TRIM2: variants seen among roughly 807,000 people sequenced by gnomAD.
TRIM2 encodes tripartite motif-containing protein 2.
Under a neutral mutation model 75.2 loss-of-function variants are expected in TRIM2, and 20 were observed. The ratio of observed to expected loss-of-function variants is 0.27; its 90% CI spans 0.19 to 0.39. The LOEUF is 0.39. TRIM2 is among the 10% of genes least tolerant of loss of function. The pLI is 1.00. For synonymous variants in TRIM2, 373 were observed against 388.3 expected, an observed-to-expected ratio of 0.96 and a Z score of 0.46; for missense variants, 660 against 990.8, an observed-to-expected ratio of 0.67 and a Z score of 4.48.
chr4:153,338,735 C>T lies in TRIM2; in HGVS notation c.*3769C>T. 2 of 985,668 alleles carry T rather than the reference C, an allele frequency of 2.0e-6. No individual in the cohort carries two copies. Among genetic ancestry groups the T allele is most frequent in the Non-Finnish European group, 2.4e-6 (2 of 829,856 alleles). 61.1% of individuals were successfully genotyped at this position (985,668 alleles called of 1,614,324 possible). ...TCTGTTTGTGGAGAATGTATGAAAG[C>T]TATTAATATTCTAGAATAGATTAAT... is the stretch of plus-strand genomic sequence containing the variant. On this transcript the variant is annotated 3_prime_UTR_variant, in exon 12 of 12. Coordinates refer to ENST00000338700, the MANE Select transcript of TRIM2 (RefSeq NM_015271.5).
intron 3 of TRIM2, among the ~76,000 whole-genome samples, chr4:153,278,324 G>A (rs867018742): frequency 1.3e-5 from 2 of 152,174 alleles, no homozygotes; most frequent in South Asian, 2.1e-4. Context: ...ATGTTGCCAA[G>A]ACTGGTCTCA....
intron 6 of TRIM2, among the ~76,000 whole-genome samples, chr4:153,314,067 C>T (rs772028397): frequency 2.0e-5 from 3 of 152,146 alleles, no homozygotes; most frequent in Admixed American, 2.0e-4. Context: ...ATATTTACAT[C>T]ATCCTATTGA....
At chr4:153,221,810 G>GGGAA (rs1171607508) in intron 1 of TRIM2, among the ~76,000 whole-genome samples, 1 of 103,732 alleles carries the variant, frequency 9.6e-6, no homozygotes, top group African/African-American at 3.8e-5. Flanking sequence ...GAGGAAGGAA[G>GGGAA]GGAGGGAGGG....
chr4:153,234,487 A>C (rs751548116), intron 1 of TRIM2, among the ~76,000 whole-genome samples: 2 of 152,218 alleles, frequency 1.3e-5, no homozygotes, highest in Non-Finnish European at 2.9e-5. Flanking sequence ...AAATATATGT[A>C]TCTATTACTG....
chr4:153,265,696 T>C (rs1754834802), intron 1 of TRIM2: 1 of 152,228 alleles, frequency 6.6e-6, no homozygotes, highest in African/African-American at 2.4e-5. Context: ...TGCATGCCAT[T>C]CTTGCTCAGG....
At chr4:153,203,103 CA>C (rs200371158), upstream of TRIM2, among the ~76,000 whole-genome samples, 2,000 of 87,056 alleles carry the variant, frequency 0.023, 17 homozygotes, top group South Asian at 0.056. Flanking sequence ...GACTCCATCT[CA>C]AAAAAAAAAA....
intron 2 of TRIM2, 64 bp from the exon 3 acceptor site, chr4:153,275,829 T>A: frequency 7.0e-7 from 1 of 1,432,444 alleles, no homozygotes; most frequent in Non-Finnish European, 9.7e-7. Context: ...AGAACATGTA[T>A]GGTACCTGTG....
At chr4:153,307,608 C>CAACTAA (rs1765296507) in intron 6 of TRIM2, among the ~76,000 whole-genome samples, 1 of 152,102 alleles carries the variant, frequency 6.6e-6, no homozygotes. Flanking sequence ...GAAAGCCAGG[C>CAACTAA]AATGCTTAGG....
chr4:153,268,107 T>A (rs567055690), intron 1 of TRIM2, among the ~76,000 whole-genome samples: 1 of 152,310 alleles, frequency 6.6e-6, no homozygotes, highest in Non-Finnish European at 1.5e-5. Context: ...ATCACGGAAC[T>A]TGTTGAGCCA....
At chr4:153,201,254 G>A (rs1560806144), upstream of TRIM2, among the ~76,000 whole-genome samples, 1 of 152,098 alleles carries the variant, frequency 6.6e-6, no homozygotes, top group Non-Finnish European at 1.5e-5. Flanking sequence ...GTGAGCCACC[G>A]TGCCCAGCCT....
At chr4:153,317,500 T>A (rs1002378462) in intron 8 of TRIM2, among the ~76,000 whole-genome samples, 28 of 151,174 alleles carry the variant, frequency 1.9e-4, no homozygotes, top group Admixed American at 1.8e-3. Context: ...TACAAAAAAA[T>A]TAGCCGGCCG....
chr4:153,184,130 G>A lies in TRIM2; in HGVS notation c.-49+30860G>A, dbSNP rs188546248. On this transcript the variant is annotated intron_variant, in intron 1 of 11. Coordinates refer to the TRIM2 transcript ENST00000437508. ...TGGGCAGGGATTCTAGCTCATGGGGGAGACAGGGTGTCTTAGTCTGCTCGG... is the reference window on the plus strand; with the variant it reads ...TGGGCAGGGATTCTAGCTCATGGGGAAGACAGGGTGTCTTAGTCTGCTCGG... Among the ~76,000 whole-genome samples the A allele has an allele frequency of 1.9e-4, 29 of 152,282 alleles. No individual in the cohort carries two copies. The East Asian group carries it at 4.2e-3, about 22-fold the overall frequency.
At chr4:153,214,282 C>T (rs1161177707) in intron 1 of TRIM2, among the ~76,000 whole-genome samples, 1 of 152,148 alleles carries the variant, frequency 6.6e-6, no homozygotes, top group Non-Finnish European at 1.5e-5. Flanking sequence ...AATGGAGATG[C>T]CCCTCTAAGT....
chr4:153,245,995 A>C (rs1749039549), intron 1 of TRIM2, among the ~76,000 whole-genome samples: 1 of 152,124 alleles, frequency 6.6e-6, no homozygotes, highest in South Asian at 2.1e-4. Flanking sequence ...CCTACTGTTA[A>C]TGGCTGCTCT....
intron 6 of TRIM2, among the ~76,000 whole-genome samples, chr4:153,312,939 A>C (rs1766687317): frequency 6.6e-6 from 1 of 152,158 alleles, no homozygotes; most frequent in South Asian, 2.1e-4. Flanking sequence ...GGGAAAGACC[A>C]AAAATAATAT....
chr4:153,311,997 C>A (rs1413274418), intron 6 of TRIM2, among the ~76,000 whole-genome samples: 2 of 151,216 alleles, frequency 1.3e-5, no homozygotes, highest in East Asian at 3.9e-4. Context: ...CATGTGCATG[C>A]TGGTGCGCTG....
At chr4:153,193,298 A>AT (rs200485811) in intron 1 of TRIM2, among the ~76,000 whole-genome samples, 4 of 151,614 alleles carry the variant, frequency 2.6e-5, no homozygotes, top group Non-Finnish European at 5.9e-5. Flanking sequence ...CGCCAGGCTA[A>AT]TTTTTTGTAT....
chr4:153,260,065 A>T (rs1753013382), intron 1 of TRIM2, among the ~76,000 whole-genome samples: 1 of 152,208 alleles, frequency 6.6e-6, no homozygotes, highest in South Asian at 2.1e-4. Flanking sequence ...CTTCGTATAT[A>T]CCAGGAGCAA....
At chr4:153,292,402 TTAAA>T (rs1242896194) in intron 3 of TRIM2, among the ~76,000 whole-genome samples, 1 of 152,238 alleles carries the variant, frequency 6.6e-6, no homozygotes, top group Non-Finnish European at 1.5e-5. Context: ...TTTTAATAAA[TTAAA>T]TACTTTAAAA....
Sources: gnomAD v4.1 joint callset for allele counts (sites outside exome capture counted in the v4.1 genomes callset) on GRCh38, gnomAD v4.1.1 for gene constraint, MANE v1.5 for transcripts, NCBI Gene and HGNC (gene_info 2026-07-23, HGNC 2026-07-21) for gene names.